FAM47E: variants seen among roughly 807,000 people sequenced by gnomAD.
FAM47E encodes protein FAM47E.
FAM47E carries 32 observed loss-of-function variants against 41.6 expected under a neutral mutation model. That is an observed-to-expected ratio of 0.77 (90% CI 0.58 to 1.03). The LOEUF (loss-of-function observed/expected upper bound fraction) is 1.03, where lower values mean the gene tolerates loss of function less well. Ranked by LOEUF, FAM47E falls within the 50% of genes least tolerant of loss-of-function variation. FAM47E has a pLI of 0.00. For synonymous variants in FAM47E, 184 were observed against 188.7 expected (o/e 0.98, Z 0.20); for missense variants, 424 against 485.4 (o/e 0.87, Z 1.19).
chr4:76,243,020 G>A (rs1443657612), intron 2 of FAM47E, among the ~76,000 whole-genome samples: 1 of 152,194 alleles, frequency 6.6e-6, no homozygotes, highest in Non-Finnish European at 1.5e-5. Context: ...CTGAGATGTA[G>A]ACTGCAGTGA....
chr4:76,258,380 G>A (rs568537266), intron 2 of FAM47E, among the ~76,000 whole-genome samples: 14 of 152,312 alleles, frequency 9.2e-5, no homozygotes, highest in South Asian at 4.1e-4. Flanking sequence ...TAGGAGTGAG[G>A]ATGGGGTCAG....
At chr4:76,260,136 A>T (rs770535381) in intron 2 of FAM47E, among the ~76,000 whole-genome samples, 2 of 152,222 alleles carry the variant, frequency 1.3e-5, no homozygotes, top group Non-Finnish European at 2.9e-5. Flanking sequence ...TGACCATACT[A>T]TCCAAAGCAA....
rs1016201761 is a variant in FAM47E at position 76,251,876 on chromosome 4, C to T, written c.74+56C>T. ...ATCCCACGCGGGCCGCGCGGGGGCG[C>T]CTGGAGACCCGCGCTTGCTGGGGCG... On this transcript the variant is annotated intron_variant, in intron 1 of 7. Coordinates refer to ENST00000424749, the MANE Select transcript of FAM47E (RefSeq NM_001136570.3). The T allele has an allele frequency of 7.1e-5, 96 of 1,360,054 alleles. No individual in the cohort carries two copies. The Middle Eastern group carries it at 1.1e-3, about 15-fold the overall frequency. The allele number at this position is 1,360,054 out of a possible 1,614,324, so 84.2% of individuals were successfully genotyped here.
chr4:76,262,029 TGTTGCTAC>T (rs961208001), intron 2 of FAM47E, among the ~76,000 whole-genome samples: 11 of 152,196 alleles, frequency 7.2e-5, no homozygotes, highest in African/African-American at 2.6e-4. Context: ...AAGAAGATGG[TGTTGCTAC>T]TGGATCACCA....
At chr4:76,244,639 C>G (rs1334847689) in intron 2 of FAM47E, among the ~76,000 whole-genome samples, 1 of 142,264 alleles carries the variant, frequency 7.0e-6, no homozygotes, top group Non-Finnish European at 1.5e-5. Context: ...CCTCCGAGTT[C>G]AAGTGATTCT....
At chr4:76,272,385 T>C (rs539893614) in intron 5 of FAM47E, among the ~76,000 whole-genome samples, 33 of 152,324 alleles carry the variant, frequency 2.2e-4, no homozygotes, top group African/African-American at 7.5e-4. Flanking sequence ...CAACAACAGA[T>C]TTAAGTTCCT....
intron 4 of FAM47E, among the ~76,000 whole-genome samples, chr4:76,271,246 A>T (rs1734873464): frequency 6.6e-6 from 1 of 152,020 alleles, no homozygotes; most frequent in East Asian, 1.9e-4. Flanking sequence ...GGCAGAGAAA[A>T]CACTGCCATA....
chr4:76,255,725 G>A (rs1240977002), intron 1 of FAM47E, among the ~76,000 whole-genome samples: 1 of 152,128 alleles, frequency 6.6e-6, no homozygotes, highest in Non-Finnish European at 1.5e-5. Context: ...GCGGCAGTTG[G>A]AATAATGAAT....
intron 2 of FAM47E, among the ~76,000 whole-genome samples, chr4:76,263,440 T>G (rs1734502563): frequency 6.6e-6 from 1 of 152,242 alleles, no homozygotes; most frequent in South Asian, 2.1e-4. Flanking sequence ...TTTGGGATTT[T>G]AATTTTGGGG....
At chr4:76,271,831 G>A in intron 5 of FAM47E, 63 bp downstream of exon 5, 1 of 1,497,734 alleles carries the variant, frequency 6.7e-7, no homozygotes, top group Non-Finnish European at 8.9e-7. Context: ...AAGTCTTAAA[G>A]TTCTTGAATT....
intron 3 of FAM47E, among the ~76,000 whole-genome samples, chr4:76,265,176 C>G (rs1734580055): frequency 6.6e-6 from 1 of 152,210 alleles, no homozygotes; most frequent in Admixed American, 6.5e-5. Context: ...AGTCCACCTC[C>G]TGGTAAATGT....
At position 76,283,586 on chromosome 4, in the gene FAM47E, A is replaced by C. The variant is rs1735450041; in HGVS notation, c.*128A>C. On this transcript the variant is annotated 3_prime_UTR_variant, in exon 8 of 8. Coordinates refer to ENST00000424749, the MANE Select transcript of FAM47E (RefSeq NM_001136570.3). Reference sequence around the variant, plus strand: ...TGTGGATGTTCAACTTTGACTTGGCAACATCTGTAAATGTAATACCTGATG... The same window carrying C: ...TGTGGATGTTCAACTTTGACTTGGCCACATCTGTAAATGTAATACCTGATG... 1.6e-6 allele frequency: 1 copy of C among 611,980 alleles called. No homozygotes were observed. Among genetic ancestry groups the C allele is most frequent in the African/African-American group, 1.8e-5 (1 of 54,054 alleles). 37.9% of individuals were successfully genotyped at this position (611,980 alleles called of 1,614,324 possible). A position where few individuals can be genotyped will look rare whatever the true frequency, so the allele number is the denominator to read the frequency against.
At chr4:76,224,858 A>T (rs1358224028) in intron 2 of FAM47E, among the ~76,000 whole-genome samples, 1 of 152,162 alleles carries the variant, frequency 6.6e-6, no homozygotes, top group Admixed American at 6.5e-5. Flanking sequence ...TCACCCAAGC[A>T]GTAAACACGG....
intron 2 of FAM47E, among the ~76,000 whole-genome samples, chr4:76,235,751 G>C (rs919943359): frequency 6.6e-6 from 1 of 152,200 alleles, no homozygotes; most frequent in Non-Finnish European, 1.5e-5. Context: ...GTTCTAGATC[G>C]ATTCCCCATT....
chr4:76,256,664 A>T (rs2289514), intron 2 of FAM47E, 141 bp downstream of exon 2: 30 of 1,075,968 alleles, frequency 2.8e-5, no homozygotes, highest in Non-Finnish European at 3.9e-5. Flanking sequence ...GCGAGTTCTT[A>T]TGGGCCTCAG....
intron 2 of FAM47E, among the ~76,000 whole-genome samples, chr4:76,222,840 G>T (rs1484047518): frequency 6.6e-6 from 1 of 152,198 alleles, no homozygotes; most frequent in Non-Finnish European, 1.5e-5. Context: ...CTACCATGGA[G>T]GACTAGTAAG....
chr4:76,231,932 T>C (rs1733500439), intron 2 of FAM47E, among the ~76,000 whole-genome samples: 1 of 152,252 alleles, frequency 6.6e-6, no homozygotes, highest in Non-Finnish European at 1.5e-5. Flanking sequence ...AAGGAAAGCA[T>C]ACCCTTCCAG....
intron 2 of FAM47E, among the ~76,000 whole-genome samples, chr4:76,263,402 T>C (rs114372776): frequency 0.016 from 2,420 of 152,352 alleles, 57 homozygotes; most frequent in African/African-American, 0.053. Context: ...AAAATACTTT[T>C]TTTGCAATTT....
At chr4:76,216,870 A>C (rs1352074965) in intron 1 of FAM47E, among the ~76,000 whole-genome samples, 1 of 152,264 alleles carries the variant, frequency 6.6e-6, no homozygotes, top group Non-Finnish European at 1.5e-5. Flanking sequence ...CTTTTAAGAA[A>C]ATAATGTATG....
Sources: allele counts gnomAD v4.1 joint callset (sites outside exome capture counted in the v4.1 genomes callset), GRCh38; gene constraint gnomAD v4.1.1; transcripts MANE v1.5; gene names NCBI Gene and HGNC (gene_info 2026-07-23, HGNC 2026-07-21).